Variants in ARHGAP26 observed in about 807,000 individuals in gnomAD.
ARHGAP26 encodes rho GTPase-activating protein 26.
In ARHGAP26, 38 loss-of-function variants were observed where a neutral mutation model predicts 104.8. The ratio of observed to expected loss-of-function variants is 0.36; its 90% confidence interval spans 0.28 to 0.48. The LOEUF is 0.48. Among genes scored for constraint, ARHGAP26 ranks in the 20% least tolerant of loss-of-function variants. ARHGAP26 has a pLI of 0.99. For synonymous variants in ARHGAP26, 341 were observed against 340.0 expected, an observed-to-expected ratio of 1.00 and a Z score of -0.03; for missense variants, 704 against 947.9, an observed-to-expected ratio of 0.74 and a Z score of 3.38.
chr5:142,778,467 A>G (rs1756814177), intron 1 of ARHGAP26, among the ~76,000 whole-genome samples: 1 of 152,096 alleles, frequency 6.6e-6, no homozygotes, highest in Non-Finnish European at 1.5e-5. Context: ...AAATGGGATT[A>G]TACTATAAGG....
At chr5:142,943,516 C>T (rs116253715) in intron 11 of ARHGAP26, among the ~76,000 whole-genome samples, 2,816 of 152,236 alleles carry the variant, frequency 0.018, 41 homozygotes, top group South Asian at 0.065. Flanking sequence ...CCATCCCATT[C>T]ATGAGGGCTC....
chr5:142,855,574 C>T (rs1752217305), intron 1 of ARHGAP26, among the ~76,000 whole-genome samples: 1 of 152,204 alleles, frequency 6.6e-6, no homozygotes, highest in African/African-American at 2.4e-5. Context: ...TCTGTGTGTC[C>T]ATCTATCCTG....
At chr5:142,953,303 A>G (rs1768686373) in intron 11 of ARHGAP26, among the ~76,000 whole-genome samples, 1 of 152,234 alleles carries the variant, frequency 6.6e-6, no homozygotes, top group African/African-American at 2.4e-5. Context: ...TGAGAGAGTC[A>G]ACAAGCAAAC....
At chr5:143,161,164 A>T (rs758680688) in intron 20 of ARHGAP26, among the ~76,000 whole-genome samples, 4 of 152,018 alleles carry the variant, frequency 2.6e-5, no homozygotes, top group African/African-American at 7.3e-5. Flanking sequence ...GGCACGCAGC[A>T]CCACACCTGG....
Position 143,134,102 on chromosome 5 carries a change from A to G in ARHGAP26, c.1834A>G (p.Lys612Glu). Reference protein sequence around the residue: ...TLFHTVQSTEKQEQRNSIINS... With the variant: ...TLFHTVQSTEEQEQRNSIINS... Reference sequence around the variant, plus strand: ...CTTCCACACCGTTCAGTCAACAGAGAAACGTGAGTCTTTGCTGCATAGGGC... The same window carrying G: ...CTTCCACACCGTTCAGTCAACAGAGGAACGTGAGTCTTTGCTGCATAGGGC... Residue 612 changes from lysine to glutamate, a missense_variant, in exon 19 of 23, where the codon AAA (lysine) becomes GAA (glutamate). Physicochemically the swap from Lys to Glu is moderately conservative, Grantham distance 56. Transcript: ENST00000645722. 6.2e-7 allele frequency: 1 copy of G among 1,609,100 alleles called. No individual in the cohort carries two copies. The highest frequency in any genetic ancestry group is 8.5e-7 in the Non-Finnish European group (1 of 1,177,200).
At chr5:143,162,228 A>G (rs528333344) in intron 20 of ARHGAP26, among the ~76,000 whole-genome samples, 14 of 151,736 alleles carry the variant, frequency 9.2e-5, no homozygotes, top group African/African-American at 3.4e-4. Flanking sequence ...TAGGAGCTCC[A>G]TATAACTCTG....
intron 14 of ARHGAP26, among the ~76,000 whole-genome samples, chr5:143,051,432 AC>A (rs1434130761): frequency 6.6e-6 from 1 of 152,252 alleles, no homozygotes; most frequent in Non-Finnish European, 1.5e-5. Flanking sequence ...GATCTGTTTT[AC>A]TAAGCAGCAG....
At chr5:142,882,285 A>G (rs76432021) in intron 4 of ARHGAP26, among the ~76,000 whole-genome samples, 4,566 of 152,326 alleles carry the variant, frequency 0.03, 83 homozygotes, top group Middle Eastern at 0.058. Context: ...TATGAAGAAG[A>G]AGTGAGTGAA....
chr5:142,890,091 G>A (rs1440707437), intron 5 of ARHGAP26, among the ~76,000 whole-genome samples: 8 of 134,328 alleles, frequency 6.0e-5, no homozygotes, highest in Admixed American at 2.5e-4. Flanking sequence ...AGCCGAATTC[G>A]CGCCATTGTA....
chr5:143,167,826 A>G (rs1459695139), intron 20 of ARHGAP26, among the ~76,000 whole-genome samples: 1 of 152,196 alleles, frequency 6.6e-6, no homozygotes, highest in Non-Finnish European at 1.5e-5. Flanking sequence ...GAAACTGACA[A>G]GAGATAGTGG....
rs371631495 is a variant in ARHGAP26 at position 142,902,051 on chromosome 5, T to C, written c.702+12T>C. ...TTAGCATACAGAACGTGAGTGGGCA[T>C]AGGGACAGGCTTCTTTTATCTGGTT... On this transcript the variant is annotated intron_variant, in intron 7 of 22. Transcript: ENST00000645722. 4 of 1,608,100 alleles carry C rather than the reference T, an allele frequency of 2.5e-6. No individual in the cohort carries two copies. The highest frequency in any genetic ancestry group is 3.4e-6 in the Non-Finnish European group (4 of 1,175,114).
At chr5:143,183,088 A>AG (rs1041502039) in intron 20 of ARHGAP26, among the ~76,000 whole-genome samples, 1 of 151,736 alleles carries the variant, frequency 6.6e-6, no homozygotes, top group Non-Finnish European at 1.5e-5. Flanking sequence ...AAAAAAAAAA[A>AG]AAAGAAAAAA....
rs13182153 is a variant in ARHGAP26 at position 142,832,368 on chromosome 5, C to T, written c.155-41032C>T. ...TAGTGTCCTTATAAAAAGAGACAAC[C>T]GAGAGCAGGCTCTCTCTCTCTCTCT... is the stretch of plus-strand genomic sequence containing the variant. On this transcript the variant is annotated intron_variant, in intron 1 of 22. Coordinates refer to ENST00000645722, the MANE Select transcript of ARHGAP26 (RefSeq NM_001135608.3). 8.0e-3 allele frequency among the ~76,000 whole-genome samples: 1,224 copies of T among 152,232 alleles called. 21 individuals are homozygous for T. Among genetic ancestry groups the T allele is most frequent in the African/African-American group, 0.027 (1,114 of 41,544 alleles).
At chr5:142,936,148 C>CCCT (rs1765392266) in intron 11 of ARHGAP26, among the ~76,000 whole-genome samples, 1 of 151,358 alleles carries the variant, frequency 6.6e-6, no homozygotes, top group African/African-American at 2.4e-5. Flanking sequence ...CACACACACC[C>CCCT]CTTCTATAAT....
intron 20 of ARHGAP26, among the ~76,000 whole-genome samples, chr5:143,201,860 T>C (rs902338433): frequency 1.3e-5 from 2 of 152,196 alleles, no homozygotes; most frequent in African/African-American, 2.4e-5. Flanking sequence ...AAAGTACAAA[T>C]AAACAAAAGG....
intron 8 of ARHGAP26, among the ~76,000 whole-genome samples, chr5:142,907,012 A>G (rs1455787071): frequency 6.6e-6 from 1 of 152,200 alleles, no homozygotes; most frequent in Admixed American, 6.5e-5. Context: ...CTAAGCACTG[A>G]GTAAAATCAG....
chr5:142,888,722 A>T (rs1049882590), intron 5 of ARHGAP26, among the ~76,000 whole-genome samples: 3 of 152,320 alleles, frequency 2.0e-5, no homozygotes, highest in Non-Finnish European at 4.4e-5. Flanking sequence ...TAGTTTTTGA[A>T]TGGTAAAAAA....
At chr5:142,835,601 TTGG>T (rs1314257357) in intron 1 of ARHGAP26, among the ~76,000 whole-genome samples, 1 of 152,206 alleles carries the variant, frequency 6.6e-6, no homozygotes, top group East Asian at 1.9e-4. Context: ...TGGATTTGAT[TTGG>T]TGATTTCGTG....
chr5:142,957,906 A>G (rs1046841074), intron 11 of ARHGAP26, among the ~76,000 whole-genome samples: 2 of 152,356 alleles, frequency 1.3e-5, no homozygotes, highest in East Asian at 1.9e-4. Flanking sequence ...TCAATCTGCA[A>G]ACGTACTTGA....
Sources: allele counts gnomAD v4.1 joint callset (sites outside exome capture counted in the v4.1 genomes callset), GRCh38; gene constraint gnomAD v4.1.1; transcripts MANE v1.5; gene names NCBI Gene and HGNC (gene_info 2026-07-23, HGNC 2026-07-21).